The following SCN8A variants were observed in gnomAD, a reference collection of about 807,000 sequenced individuals.
The protein encoded by SCN8A is sodium channel protein type 8 subunit alpha.
A neutral mutation model predicts 184.1 loss-of-function variants in SCN8A; 30 were observed. That is an observed-to-expected ratio of 0.16 (90% CI 0.12 to 0.22). The LOEUF is 0.22. Among genes scored for constraint, SCN8A ranks in the 10% least tolerant of loss-of-function variants. SCN8A has a pLI of 1.00. For synonymous variants in SCN8A, 852 were observed against 907.0 expected, an observed-to-expected ratio of 0.94 and a Z score of 1.09; for missense variants, 1,057 against 2,498.9, an observed-to-expected ratio of 0.42 and a Z score of 12.30.
chr12:51,782,902 A>G (rs1043484324), intron 21 of SCN8A, among the ~76,000 whole-genome samples: 4 of 152,342 alleles, frequency 2.6e-5, no homozygotes, highest in Admixed American at 2.6e-4. Context: ...GGAGGTCCCG[A>G]ATGAATAATC....
intron 1 of SCN8A, among the ~76,000 whole-genome samples, chr12:51,609,103 G>T (rs1208208115): frequency 6.6e-6 from 1 of 152,152 alleles, no homozygotes; most frequent in Non-Finnish European, 1.5e-5. Flanking sequence ...GAGAGTGCTT[G>T]ATACAATTTC....
chr12:51,732,749 T>C (rs1942263580), intron 12 of SCN8A, among the ~76,000 whole-genome samples: 1 of 152,166 alleles, frequency 6.6e-6, no homozygotes, highest in Admixed American at 6.5e-5. Flanking sequence ...TTCGTCAGTG[T>C]TTTATAGTTT....
intron 1 of SCN8A, among the ~76,000 whole-genome samples, chr12:51,627,431 G>T (rs1393666031): frequency 6.6e-6 from 1 of 152,320 alleles, no homozygotes; most frequent in South Asian, 2.1e-4. Context: ...TGCCAGGGAG[G>T]AGTACAGTGG....
At chr12:51,715,422 C>T (rs904306409) in intron 11 of SCN8A, among the ~76,000 whole-genome samples, 3 of 152,006 alleles carry the variant, frequency 2.0e-5, no homozygotes, top group Admixed American at 2.0e-4. Context: ...TCATATGTCT[C>T]GTTCACCACT....
chr12:51,621,238 G>T (rs1222928312), intron 1 of SCN8A, among the ~76,000 whole-genome samples: 2 of 152,152 alleles, frequency 1.3e-5, no homozygotes, highest in African/African-American at 4.8e-5. Flanking sequence ...TCTCTGCTTA[G>T]TATATAAAGC....
chr12:51,708,475 T>G (rs1941820112), intron 11 of SCN8A, among the ~76,000 whole-genome samples: 3 of 152,230 alleles, frequency 2.0e-5, no homozygotes, highest in African/African-American at 7.2e-5. Context: ...AATTTCCCAT[T>G]TTAAAGAAAT....
In SCN8A at chr12:51,808,253, A is replaced by C. The variant is rs1410111446; in HGVS notation, c.*824A>C. The C allele has an allele frequency of 1.3e-5, 2 of 152,652 alleles. No individual in the cohort carries two copies. The highest frequency in any genetic ancestry group is 2.9e-5 in the Non-Finnish European group (2 of 68,098). The allele number at this position is 152,652 out of a possible 1,614,324, so 9.5% of individuals were successfully genotyped here. On this transcript the variant is annotated 3_prime_UTR_variant, in exon 27 of 27. Coordinates refer to ENST00000627620, the MANE Select transcript of SCN8A (RefSeq NM_001330260.2). ...ACCGGCTACAATTCTTTGAGTTCTT[A>C]AAAGTCCTTCATACACCTTCTGGGT... is the stretch of plus-strand genomic sequence containing the variant.
chr12:51,598,717 T>G (rs943118730), intron 1 of SCN8A, among the ~76,000 whole-genome samples: 1 of 152,188 alleles, frequency 6.6e-6, no homozygotes, highest in Non-Finnish European at 1.5e-5. Flanking sequence ...CAGTATGCAC[T>G]CCATAATAGC....
At chr12:51,788,463 A>G (rs192309171) in intron 22 of SCN8A, 16 of 333,982 alleles carry the variant, frequency 4.8e-5, no homozygotes, top group Non-Finnish European at 5.4e-6. Flanking sequence ...TAAAGCCTTA[A>G]TCCCATTACC....
chr12:51,796,366 C>T (rs1938407569), intron 26 of SCN8A, among the ~76,000 whole-genome samples: 1 of 152,198 alleles, frequency 6.6e-6, no homozygotes, highest in African/African-American at 2.4e-5. Flanking sequence ...CCCTTGTCCA[C>T]TGCTCTTGAA....
At chr12:51,655,540 A>T (rs921145620) in intron 1 of SCN8A, among the ~76,000 whole-genome samples, 2 of 151,494 alleles carry the variant, frequency 1.3e-5, no homozygotes, top group African/African-American at 2.4e-5. Flanking sequence ...ACCCAGATAA[A>T]TTTTTTTACT....
chr12:51,782,687 G>A (rs1284809686), intron 21 of SCN8A, among the ~76,000 whole-genome samples: 1 of 152,132 alleles, frequency 6.6e-6, no homozygotes, highest in African/African-American at 2.4e-5. Flanking sequence ...TGTCACTCCT[G>A]TCCAGGCAGA....
chr12:51,615,164 T>C (rs530166679), intron 1 of SCN8A, among the ~76,000 whole-genome samples: 1 of 152,248 alleles, frequency 6.6e-6, no homozygotes, highest in African/African-American at 2.4e-5. Context: ...GTTTTCATTA[T>C]ATAGTTATTT....
At chr12:51,625,547 G>C (rs1370814909) in intron 1 of SCN8A, among the ~76,000 whole-genome samples, 3 of 152,126 alleles carry the variant, frequency 2.0e-5, no homozygotes, top group African/African-American at 7.2e-5. Flanking sequence ...TGATTGCTGG[G>C]TCATATTTTA....
intron 22 of SCN8A, among the ~76,000 whole-genome samples, chr12:51,788,299 T>TTTTTTTTTTG (rs1938144764): frequency 6.7e-6 from 1 of 149,850 alleles, no homozygotes; most frequent in African/African-American, 2.5e-5. Flanking sequence ...TTTTTTTTTT[T>TTTTTTTTTTG]TTTTTTTTTG....
intron 1 of SCN8A, among the ~76,000 whole-genome samples, chr12:51,598,557 C>T (rs766868942): frequency 3.2e-4 from 49 of 152,074 alleles, no homozygotes; most frequent in Non-Finnish European, 6.9e-4. Context: ...GATTTTTAGT[C>T]ATTTAATACA....
rs570796546 is a variant in SCN8A at position 51,786,464 on chromosome 12, C to T, written c.3943-78C>T. 6.2e-6 allele frequency: 9 copies of T among 1,460,498 alleles called. No individual in the cohort carries two copies. The African/African-American group carries it at 1.1e-4, about 18-fold the overall frequency. 90.5% of individuals were successfully genotyped at this position (1,460,498 alleles called of 1,614,324 possible). A position where few individuals can be genotyped will look rare whatever the true frequency, so the allele number is the denominator to read the frequency against. ...CCATACAGAACAAGCCACACAATGT[C>T]ATTCCCCTCCTGGAAATCAAAAAAT... is the stretch of plus-strand genomic sequence containing the variant. On this transcript the variant is annotated intron_variant, in intron 21 of 26. Transcript: ENST00000627620.
At chr12:51,688,259 G>A (rs1054767019) in intron 5 of SCN8A, among the ~76,000 whole-genome samples, 3 of 152,284 alleles carry the variant, frequency 2.0e-5, no homozygotes, top group South Asian at 2.1e-4. Flanking sequence ...CCAAAACTTC[G>A]TTTATAGACA....
At chr12:51,794,228 A>G (rs1938346762) in intron 25 of SCN8A, 143 bp from the exon 26 acceptor site, 1 of 716,834 alleles carries the variant, frequency 1.4e-6, no homozygotes, top group Non-Finnish European at 2.3e-6. Flanking sequence ...GTCTCCATCC[A>G]TGCTCCTGAT....
Sources: gnomAD v4.1 joint callset for allele counts (sites outside exome capture counted in the v4.1 genomes callset) on GRCh38, gnomAD v4.1.1 for gene constraint, MANE v1.5 for transcripts, NCBI Gene and HGNC (gene_info 2026-07-23, HGNC 2026-07-21) for gene names.